The following DPP6 variants were observed in gnomAD, a reference collection of about 807,000 sequenced individuals.
The protein encoded by DPP6 is A-type potassium channel modulatory protein DPP6.
In DPP6, 69 loss-of-function variants were observed where a neutral mutation model predicts 122.6. The ratio of observed to expected loss-of-function variants is 0.56; its 90% confidence interval spans 0.46 to 0.69. The LOEUF (loss-of-function observed/expected upper bound fraction) is 0.69, where lower values mean the gene tolerates loss of function less well. Ranked by LOEUF, DPP6 falls within the 30% of genes least tolerant of loss-of-function variation. DPP6 has a pLI of 0.00. For synonymous variants in DPP6, 418 were observed against 433.1 expected, an observed-to-expected ratio of 0.97 and a Z score of 0.43; for missense variants, 928 against 1,116.9, an observed-to-expected ratio of 0.83 and a Z score of 2.41.
intron 2 of DPP6, among the ~76,000 whole-genome samples, chr7:154,473,891 C>T (rs1822502177): frequency 6.6e-6 from 1 of 152,118 alleles, no homozygotes; most frequent in Non-Finnish European, 1.5e-5. Flanking sequence ...ACCAAGATCA[C>T]CCCACATAGC....
At chr7:154,173,495 C>G (rs1029904927) in intron 1 of DPP6, among the ~76,000 whole-genome samples, 3 of 152,154 alleles carry the variant, frequency 2.0e-5, no homozygotes, top group African/African-American at 7.2e-5. Context: ...GCCGTGCTCT[C>G]CTGCTCATCT....
intron 3 of DPP6, among the ~76,000 whole-genome samples, chr7:154,523,736 G>A (rs917692430): frequency 2.6e-5 from 4 of 152,108 alleles, no homozygotes; most frequent in South Asian, 2.1e-4. Flanking sequence ...CCTGCATTCC[G>A]CACTTGACTG....
intron 1 of DPP6, among the ~76,000 whole-genome samples, chr7:154,168,073 G>T (rs991271101): frequency 2.6e-4 from 40 of 152,172 alleles, no homozygotes; most frequent in African/African-American, 9.4e-4. Flanking sequence ...GGACAGATGG[G>T]TGGCTGAAGA....
chr7:154,574,574 G>GGT (rs1432041626), intron 5 of DPP6, among the ~76,000 whole-genome samples: 3,214 of 141,956 alleles, frequency 0.023, 77 homozygotes, highest in South Asian at 0.11. Context: ...ATAAGTGTGT[G>GGT]GTGTGTGTGT....
intron 3 of DPP6, among the ~76,000 whole-genome samples, chr7:154,526,173 T>G (rs1307361627): frequency 1.3e-5 from 2 of 152,208 alleles, no homozygotes; most frequent in Non-Finnish European, 2.9e-5. Flanking sequence ...TGGAATTTGT[T>G]TTTAACTATT....
At chr7:153,748,856 G>C in the DPP6 span, among the ~76,000 whole-genome samples, 3 of 143,398 alleles carry the variant, frequency 2.1e-5, no homozygotes, top group Admixed American at 7.1e-5. Flanking sequence ...CCCACCTCGC[G>C]TCTCCCCCGA....
At chr7:154,285,173 GAAAT>G (rs896630461) in intron 1 of DPP6, among the ~76,000 whole-genome samples, 2 of 152,172 alleles carry the variant, frequency 1.3e-5, no homozygotes, top group Admixed American at 6.5e-5. Context: ...ATTATACACT[GAAAT>G]AAAACTGCTT....
At chr7:154,099,546 A>C (rs1426624505) in intron 1 of DPP6, among the ~76,000 whole-genome samples, 2 of 151,706 alleles carry the variant, frequency 1.3e-5, no homozygotes, top group African/African-American at 4.9e-5. Context: ...TTGCCCAAAT[A>C]GCTAAATGAA....
intron 1 of DPP6, among the ~76,000 whole-genome samples, chr7:154,030,451 C>T (rs1481859523): frequency 2.0e-5 from 3 of 152,124 alleles, no homozygotes. Context: ...TTAGGAGGCC[C>T]TCCCAGAGCC....
At position 154,883,437 on chromosome 7, in the gene DPP6, C is replaced by CAT. The variant is rs1474043746; in HGVS notation, c.2134-2195_2134-2194dup. On this transcript the variant is annotated intron_variant, in intron 21 of 25. Coordinates refer to ENST00000377770, the MANE Select transcript of DPP6 (RefSeq NM_130797.4). The stretch of plus-strand genomic sequence containing the variant: ...ATACACATGCTCACACACACGCTCA[C>CAT]ATTCACACACATGCTCACCCATACA... The CAT allele has an allele frequency of 1.9e-4, 28 of 147,646 alleles. 1 individual carries two copies. Among genetic ancestry groups the CAT allele is most frequent in the Middle Eastern group, 3.8e-3 (1 of 264 alleles). The allele number at this position is 147,646 out of a possible 1,614,324, so 9.1% of individuals were successfully genotyped here. A position where few individuals can be genotyped will look rare whatever the true frequency, so the allele number is the denominator to read the frequency against.
Position 154,795,937 on chromosome 7 carries a change from G to A in DPP6, c.1299+54G>A, listed in dbSNP as rs926754560. ...GTCACCTCCACCTGATCCACCCCAG[G>A]GCTGGCCCTCAGAGCTTCGACAACA... On this transcript the variant is annotated intron_variant, in intron 12 of 25. Transcript: ENST00000377770. 19 of 1,577,600 alleles carry A rather than the reference G, an allele frequency of 1.2e-5. No individual in the cohort carries two copies. In the African/African-American group the frequency reaches 2.5e-4, roughly 20 times the overall value.
intron 15 of DPP6, among the ~76,000 whole-genome samples, chr7:154,805,618 T>C (rs1798649710): frequency 6.6e-6 from 1 of 152,240 alleles, no homozygotes; most frequent in Non-Finnish European, 1.5e-5. Flanking sequence ...TGTGCGACTT[T>C]GGACAAGTTT....
At chr7:154,487,274 G>A (rs765921960) in intron 3 of DPP6, among the ~76,000 whole-genome samples, 1 of 152,110 alleles carries the variant, frequency 6.6e-6, no homozygotes, top group Non-Finnish European at 1.5e-5. Flanking sequence ...CTGATAAGTA[G>A]ACAGATATTC....
chr7:154,061,509 GAAGCAAAT>G (rs1801877063), intron 1 of DPP6, among the ~76,000 whole-genome samples: 2 of 147,248 alleles, frequency 1.4e-5, no homozygotes, highest in South Asian at 4.4e-4. Flanking sequence ...GCTAGTACAA[GAAGCAAAT>G]AAGCTGATTC....
the DPP6 span, among the ~76,000 whole-genome samples, chr7:153,780,171 C>CA: frequency 1.3e-5 from 2 of 151,892 alleles, no homozygotes; most frequent in Non-Finnish European, 2.9e-5. Flanking sequence ...AGCTGAGAAT[C>CA]AAAAAAAGAG....
At chr7:154,461,631 C>A (rs1821311372) in intron 2 of DPP6, among the ~76,000 whole-genome samples, 1 of 152,068 alleles carries the variant, frequency 6.6e-6, no homozygotes, top group Non-Finnish European at 1.5e-5. Flanking sequence ...ATGTTGAGCA[C>A]CTTTTCATAT....
intron 1 of DPP6, chr7:153,968,795 G>T (rs949521998): frequency 6.6e-6 from 1 of 151,104 alleles, no homozygotes; most frequent in Non-Finnish European, 1.5e-5. Context: ...CATCGCTGTA[G>T]TATAACCAAA....
intron 1 of DPP6, among the ~76,000 whole-genome samples, chr7:154,334,368 A>G (rs939674664): frequency 6.6e-6 from 1 of 152,222 alleles, no homozygotes; most frequent in African/African-American, 2.4e-5. Flanking sequence ...TCATACTCAC[A>G]GTAATAGCTG....
chr7:154,555,486 C>G (rs137884084), intron 4 of DPP6, among the ~76,000 whole-genome samples: 30,076 of 151,356 alleles, frequency 0.2, 3,855 homozygotes, highest in Admixed American at 0.34. Context: ...GAAGGGGGGA[C>G]GGATAGCATT....
Sources: gnomAD v4.1 joint callset for allele counts (sites outside exome capture counted in the v4.1 genomes callset) on GRCh38, gnomAD v4.1.1 for gene constraint, MANE v1.5 for transcripts, NCBI Gene and HGNC (gene_info 2026-07-23, HGNC 2026-07-21) for gene names.